The following MAP4K3 variants were observed in gnomAD, a reference collection of about 807,000 sequenced individuals.
MAP4K3 encodes MAPK/ERK kinase kinase kinase 3.
A neutral mutation model predicts 143.5 loss-of-function variants in MAP4K3; 94 were observed. The observed-to-expected ratio is 0.65, with a 90% confidence interval of 0.55 to 0.78. The LOEUF (loss-of-function observed/expected upper bound fraction) is 0.78. Ranked by LOEUF, MAP4K3 falls within the 30% of genes least tolerant of loss-of-function variation. MAP4K3 has a pLI of 0.00. For synonymous variants in MAP4K3, 416 were observed against 347.2 expected, an observed-to-expected ratio of 1.20 and a Z score of -2.20; for missense variants, 1,077 against 1,068.1, an observed-to-expected ratio of 1.01 and a Z score of -0.12.
At chr2:39,290,400 T>A (rs953007578) in intron 18 of MAP4K3, 66 bp from the exon 19 acceptor site, 1 of 1,053,918 alleles carries the variant, frequency 9.5e-7, no homozygotes. Flanking sequence ...TAAAATATAA[T>A]AATTTTTTCA....
chr2:39,276,092 C>T lies in MAP4K3; in HGVS notation c.1794+2315G>A, dbSNP rs187909782. On this transcript the variant is annotated intron_variant, in intron 24 of 33. Transcript: ENST00000263881. The stretch of plus-strand genomic sequence containing the variant: ...TTCACCTTATTTGTTAGGCTGGTGT[C>T]GAACTCCTGACCTCAGGTGACCACC... Among the ~76,000 whole-genome samples, 13 of 152,130 alleles carry T rather than the reference C, an allele frequency of 8.5e-5. No homozygotes were observed. In the East Asian group the frequency reaches 2.5e-3, roughly 29 times the overall value.
rs1666361424 is a variant in MAP4K3, at chr2:39,381,787, A to G, written c.97-3664T>C. 2.6e-5 allele frequency among the ~76,000 whole-genome samples: 4 copies of G among 152,296 alleles called. No homozygotes were observed. The South Asian group carries it at 8.3e-4, about 32-fold the overall frequency. The stretch of plus-strand genomic sequence containing the variant: ...CTGTACTTTATCCTCTGGCCAAACT[A>G]AACAACCTGCTATTCCCCAGAGCCA... On this transcript the variant is annotated intron_variant, in intron 1 of 33. Coordinates refer to ENST00000263881, the MANE Select transcript of MAP4K3 (RefSeq NM_003618.4).
In MAP4K3 at chr2:39,272,550, A is replaced by C. The variant is rs777168101; in HGVS notation, c.1795-8T>G. The C allele has an allele frequency of 6.2e-7, 1 of 1,611,622 alleles. No individual in the cohort carries two copies. Among genetic ancestry groups the C allele is most frequent in the South Asian group, 1.1e-5 (1 of 90,870 alleles). On this transcript the variant is annotated splice_polypyrimidine_tract_variant and splice_region_variant and intron_variant, in intron 24 of 33. Coordinates refer to ENST00000263881, the MANE Select transcript of MAP4K3 (RefSeq NM_003618.4). ...ACACCTTCGAGGGAATAGCTGATTA[A>C]AAAAAGGCACAAAGTTTACAAAGAA...
At chr2:39,401,072 G>A (rs991757806) in intron 1 of MAP4K3, among the ~76,000 whole-genome samples, 3 of 152,100 alleles carry the variant, frequency 2.0e-5, no homozygotes, top group Non-Finnish European at 4.4e-5. Flanking sequence ...CAGTTTCCAG[G>A]CCTCAGTGCA....
At chr2:39,399,984 T>TAA (rs1286516600) in intron 1 of MAP4K3, among the ~76,000 whole-genome samples, 2 of 152,158 alleles carry the variant, frequency 1.3e-5, no homozygotes, top group African/African-American at 4.8e-5. Flanking sequence ...GGTAAGTTTA[T>TAA]AAGACAATTT....
intron 2 of MAP4K3, among the ~76,000 whole-genome samples, chr2:39,359,511 G>A (rs1046102091): frequency 6.6e-6 from 1 of 152,198 alleles, no homozygotes; most frequent in African/African-American, 2.4e-5. Flanking sequence ...AGAGGACAGT[G>A]ACCACCTTCT....
intron 1 of MAP4K3, among the ~76,000 whole-genome samples, chr2:39,391,631 A>C (rs1666662830): frequency 6.6e-6 from 1 of 152,202 alleles, no homozygotes; most frequent in South Asian, 2.1e-4. Flanking sequence ...CACCTTGAAC[A>C]GTGCCTGGAA....
intron 1 of MAP4K3, among the ~76,000 whole-genome samples, chr2:39,397,726 A>T (rs1220250696): frequency 6.6e-6 from 1 of 152,236 alleles, no homozygotes; most frequent in Non-Finnish European, 1.5e-5. Flanking sequence ...GGCCTCAAGA[A>T]CTAAAAGTAT....
In MAP4K3 at chr2:39,277,990, C is replaced by T. The variant is rs539770257; in HGVS notation, c.1794+417G>A. Among the ~76,000 whole-genome samples the T allele has an allele frequency of 9.9e-5, 15 of 151,432 alleles. No homozygotes were observed. The East Asian group carries it at 3.0e-3, about 30-fold the overall frequency. On this transcript the variant is annotated intron_variant, in intron 24 of 33. Coordinates refer to ENST00000263881, the MANE Select transcript of MAP4K3 (RefSeq NM_003618.4). ...GGTGAAACCCTATCTCTACTAAAAA[C>T]ACAAAAATTAGCCAGGCATGGTGGC...
At chr2:39,366,094 AAT>A (rs1218536459) in intron 2 of MAP4K3, among the ~76,000 whole-genome samples, 1 of 152,196 alleles carries the variant, frequency 6.6e-6, no homozygotes, top group African/African-American at 2.4e-5. Flanking sequence ...TTCTGAGCCA[AAT>A]ATGAGTGACC....
intron 1 of MAP4K3, among the ~76,000 whole-genome samples, chr2:39,434,202 T>A (rs1319956093): frequency 6.6e-6 from 1 of 152,206 alleles, no homozygotes; most frequent in Non-Finnish European, 1.5e-5. Context: ...AGGAACAAAT[T>A]ATATATATTG....
intron 26 of MAP4K3, among the ~76,000 whole-genome samples, chr2:39,268,718 C>T (rs1573074649): frequency 7.8e-6 from 1 of 128,608 alleles, no homozygotes; most frequent in East Asian, 2.6e-4. Flanking sequence ...CAGTTCACTG[C>T]AACCTCTGCC....
chr2:39,286,070 TG>T (rs759749003), intron 21 of MAP4K3, among the ~76,000 whole-genome samples: 12 of 152,162 alleles, frequency 7.9e-5, no homozygotes, highest in Non-Finnish European at 1.3e-4. Flanking sequence ...TCTCTAACAG[TG>T]GTTCCCCAAC....
At chr2:39,322,349 C>A (rs1683335962) in intron 12 of MAP4K3, among the ~76,000 whole-genome samples, 1 of 152,030 alleles carries the variant, frequency 6.6e-6, no homozygotes, top group African/African-American at 2.4e-5. Context: ...GCTTAAACAG[C>A]ACAATAAATT....
intron 1 of MAP4K3, among the ~76,000 whole-genome samples, chr2:39,432,691 G>C (rs569270070): frequency 7.2e-5 from 11 of 152,290 alleles, no homozygotes; most frequent in African/African-American, 2.6e-4. Flanking sequence ...ATATTAAATA[G>C]AACACCTTGA....
chr2:39,394,320 C>G (rs185448401), intron 1 of MAP4K3, among the ~76,000 whole-genome samples: 2 of 152,286 alleles, frequency 1.3e-5, no homozygotes, highest in African/African-American at 2.4e-5. Context: ...AGAACAACTT[C>G]TAAGGACACG....
chr2:39,349,037 C>T (rs185105942), intron 3 of MAP4K3, among the ~76,000 whole-genome samples: 30 of 152,270 alleles, frequency 2.0e-4, no homozygotes, highest in Non-Finnish European at 3.5e-4. Context: ...AGTTGGCATA[C>T]GGAGTCTTCC....
rs1190096918 is a variant in MAP4K3 at position 39,250,427 on chromosome 2, G to C, written c.*191C>G. 6 of 515,762 alleles carry C rather than the reference G, an allele frequency of 1.2e-5. No individual in the cohort carries two copies. Among genetic ancestry groups the C allele is most frequent in the Middle Eastern group, 3.5e-4 (1 of 2,866 alleles). 31.9% of individuals were successfully genotyped at this position (515,762 alleles called of 1,614,324 possible). ...TTACATAACAATGAATTAAGCACTT[G>C]TGTGGTTCAATATGCTAAATATATC... On this transcript the variant is annotated 3_prime_UTR_variant, in exon 34 of 34. Coordinates refer to ENST00000263881, the MANE Select transcript of MAP4K3 (RefSeq NM_003618.4).
At chr2:39,267,133 T>G in intron 27 of MAP4K3, 56 bp downstream of exon 27, 1 of 1,533,630 alleles carries the variant, frequency 6.5e-7, no homozygotes, top group Non-Finnish European at 9.0e-7. Context: ...TACTGTTTTA[T>G]GCCAGATTTT....
Sources: allele counts gnomAD v4.1 joint callset (sites outside exome capture counted in the v4.1 genomes callset), GRCh38; gene constraint gnomAD v4.1.1; transcripts MANE v1.5; gene names NCBI Gene and HGNC (gene_info 2026-07-23, HGNC 2026-07-21).